The following CFTR variants were observed in gnomAD, a reference collection of about 807,000 sequenced individuals.
The protein encoded by CFTR is CF transmembrane conductance regulator, also known as cystic fibrosis transmembrane conductance regulator.
A neutral mutation model predicts 171.6 loss-of-function variants in CFTR; 181 were observed. The ratio of observed to expected loss-of-function variants is 1.05; its 90% CI spans 0.93 to 1.19. CFTR has a LOEUF of 1.19. Ranked by LOEUF, CFTR falls within the 50% of genes most tolerant of loss-of-function variation. The pLI, the probability that CFTR is intolerant of heterozygous loss-of-function variation, is 0.00. For missense variants in CFTR, 1,968 were observed against 1,734.7 expected, an observed-to-expected ratio of 1.13 and a Z score of -2.39; for synonymous variants, 583 against 608.0, an observed-to-expected ratio of 0.96 and a Z score of 0.60.
intron 13 of CFTR, among the ~76,000 whole-genome samples, chr7:117,591,583 A>G (rs919632265): frequency 6.6e-6 from 1 of 152,138 alleles, no homozygotes; most frequent in African/African-American, 2.4e-5. Context: ...ACAAATCTCT[A>G]GGGACCTTAA....
In CFTR at chr7:117,602,787, T is replaced by C. The variant is rs778920653; in HGVS notation, c.2620-39T>C. The C allele has an allele frequency of 7.5e-6, 12 of 1,590,314 alleles. 1 individual carries two copies. Among genetic ancestry groups the C allele is most frequent in the African/African-American group, 4.0e-5 (3 of 74,444 alleles). ...TGGGCATGGGAGGAATAGGTGAAGATGTTAGAAAAAAAATCAACTGTGTCT... is the reference window on the plus strand; with the variant it reads ...TGGGCATGGGAGGAATAGGTGAAGACGTTAGAAAAAAAATCAACTGTGTCT... On this transcript the variant is annotated intron_variant, in intron 15 of 26. Coordinates refer to ENST00000003084, the MANE Select transcript of CFTR (RefSeq NM_000492.4).
At chr7:117,517,097 C>A (rs997497191) in intron 3 of CFTR, among the ~76,000 whole-genome samples, 2 of 152,030 alleles carry the variant, frequency 1.3e-5, no homozygotes, top group African/African-American at 4.8e-5. Context: ...AGGCAACTTA[C>A]GGAATGGGAG....
At chr7:117,637,444 CTT>C (rs1792843529) in intron 22 of CFTR, among the ~76,000 whole-genome samples, 1 of 152,046 alleles carries the variant, frequency 6.6e-6, no homozygotes, top group African/African-American at 2.4e-5. Flanking sequence ...TTTTTCACCC[CTT>C]TTGGTGGGAC....
At chr7:117,597,600 G>A (rs545875185) in intron 15 of CFTR, among the ~76,000 whole-genome samples, 23 of 152,326 alleles carry the variant, frequency 1.5e-4, no homozygotes, top group African/African-American at 5.5e-4. Context: ...AGCTGCTCTA[G>A]ATATTTTATT....
intron 15 of CFTR, among the ~76,000 whole-genome samples, chr7:117,596,026 G>T (rs1181133721): frequency 6.6e-6 from 1 of 152,228 alleles, no homozygotes; most frequent in Non-Finnish European, 1.5e-5. Context: ...GGGCCTCCTT[G>T]ACCTTGACGC....
At position 117,513,557 on chromosome 7, in the gene CFTR, G is replaced by A. The variant is rs182875273; in HGVS notation, c.273+4415G>A. 1.2e-4 allele frequency among the ~76,000 whole-genome samples: 18 copies of A among 152,190 alleles called. No individual in the cohort carries two copies. In the East Asian group the frequency reaches 3.1e-3, roughly 26 times the overall value. ...TCCACTTCTATCTGCTGGGCCTGTG[G>A]CAACCATTTCAAAATATGTGAATGA... On this transcript the variant is annotated intron_variant, in intron 3 of 26. Coordinates refer to ENST00000003084, the MANE Select transcript of CFTR (RefSeq NM_000492.4).
intron 11 of CFTR, among the ~76,000 whole-genome samples, chr7:117,562,981 T>C (rs1376030491): frequency 1.3e-5 from 2 of 152,146 alleles, no homozygotes; most frequent in East Asian, 3.9e-4. Flanking sequence ...AGGCCTTGTA[T>C]ACCAGTCTCA....
chr7:117,643,064 C>A (rs1285529072), intron 23 of CFTR, among the ~76,000 whole-genome samples: 1 of 152,002 alleles, frequency 6.6e-6, no homozygotes, highest in Non-Finnish European at 1.5e-5. Flanking sequence ...TAGTCTGTAA[C>A]TATTTTTTTT....
chr7:117,568,412 A>G (rs1289655698), intron 11 of CFTR, among the ~76,000 whole-genome samples: 1 of 152,076 alleles, frequency 6.6e-6, no homozygotes, highest in African/African-American at 2.4e-5. Context: ...CAGGGAGATA[A>G]TTTAGGAGGC....
At chr7:117,554,740 A>G (rs1799323504) in intron 10 of CFTR, among the ~76,000 whole-genome samples, 1 of 152,202 alleles carries the variant, frequency 6.6e-6, no homozygotes, top group Non-Finnish European at 1.5e-5. Context: ...CCGGAACCCA[A>G]CTGATGTCAA....
intron 10 of CFTR, among the ~76,000 whole-genome samples, chr7:117,558,275 AT>A (rs1462874419): frequency 1.3e-5 from 2 of 152,074 alleles, no homozygotes; most frequent in African/African-American, 4.8e-5. Context: ...TTTATGTTAA[AT>A]TTTTCATTCT....
intron 3 of CFTR, among the ~76,000 whole-genome samples, chr7:117,513,122 T>C (rs1798547533): frequency 6.6e-6 from 1 of 152,004 alleles, no homozygotes; most frequent in Non-Finnish European, 1.5e-5. Context: ...GGAGGCAGAT[T>C]GATAAGAGGA....
intron 3 of CFTR, among the ~76,000 whole-genome samples, chr7:117,521,151 G>A (rs1337819527): frequency 6.6e-6 from 1 of 151,782 alleles, no homozygotes; most frequent in Admixed American, 6.6e-5. Context: ...GTCATTTTTG[G>A]TATATAGAAA....
chr7:117,572,887 A>G, intron 11 of CFTR, among the ~76,000 whole-genome samples: 1 of 152,126 alleles, frequency 6.6e-6, no homozygotes, highest in East Asian at 1.9e-4. Context: ...ACAAGCATCT[A>G]TATTGTCAAG....
intron 10 of CFTR, 123 bp downstream of exon 10, chr7:117,548,946 T>A: frequency 2.2e-6 from 3 of 1,339,700 alleles, no homozygotes; most frequent in Non-Finnish European, 3.1e-6. Context: ...GGAGAATGTA[T>A]GGGTGTAGTG....
chr7:117,656,476 A>G (rs1793185156), intron 24 of CFTR, among the ~76,000 whole-genome samples: 1 of 152,190 alleles, frequency 6.6e-6, no homozygotes, highest in Non-Finnish European at 1.5e-5. Context: ...AAATATATTA[A>G]CTAAAATGGA....
intron 9 of CFTR, among the ~76,000 whole-genome samples, chr7:117,545,033 A>G (rs1389154324): frequency 6.6e-6 from 1 of 152,228 alleles, no homozygotes; most frequent in African/African-American, 2.4e-5. Flanking sequence ...TGATAAAGAC[A>G]TACCCAAGAA....
intron 10 of CFTR, among the ~76,000 whole-genome samples, chr7:117,555,565 C>A (rs912700014): frequency 4.6e-5 from 7 of 152,244 alleles, no homozygotes; most frequent in South Asian, 2.1e-4. Context: ...TAGTGCAATG[C>A]CATAAACCTT....
intron 18 of CFTR, 64 bp downstream of exon 18, chr7:117,606,817 T>C: frequency 4.2e-6 from 4 of 951,952 alleles, no homozygotes; most frequent in Non-Finnish European, 6.9e-6. Context: ...CAAAAGCAAA[T>C]GTGATTTTGT....
Sources: gnomAD v4.1 joint callset for allele counts (sites outside exome capture counted in the v4.1 genomes callset) on GRCh38, gnomAD v4.1.1 for gene constraint, MANE v1.5 for transcripts, NCBI Gene and HGNC (gene_info 2026-07-23, HGNC 2026-07-21) for gene names.